The following KCNQ5 variants were observed in gnomAD, a reference collection of about 807,000 sequenced individuals.
KCNQ5 encodes the protein potassium voltage-gated channel subfamily Q member 5.
In KCNQ5, 30 loss-of-function variants were observed where a neutral mutation model predicts 98.2. The observed-to-expected ratio is 0.31, with a 90% confidence interval of 0.23 to 0.41. The LOEUF is 0.41. Ranked by LOEUF, KCNQ5 falls within the 10% of genes least tolerant of loss-of-function variation. The pLI, the probability that KCNQ5 is intolerant of heterozygous loss-of-function variation, is 1.00. For synonymous variants in KCNQ5, 458 were observed against 449.4 expected, an observed-to-expected ratio of 1.02 and a Z score of -0.24; for missense variants, 835 against 1,182.5, an observed-to-expected ratio of 0.71 and a Z score of 4.31.
chr6:73,108,821 C>T lies in KCNQ5; in HGVS notation c.1030-2487C>T, dbSNP rs537034521. 1.2e-4 allele frequency among the ~76,000 whole-genome samples: 18 copies of T among 151,670 alleles called. No homozygotes were observed. In the East Asian group the frequency reaches 2.7e-3, roughly 23 times the overall value. On this transcript the variant is annotated intron_variant, in intron 6 of 13. Coordinates refer to ENST00000370398, the MANE Select transcript of KCNQ5 (RefSeq NM_019842.4). Reference sequence around the variant, plus strand: ...CAGCCTGGGCAACAGAGCAAGACTCCATCTCAAAAAAAATAAAAAATAAAA... The same window carrying T: ...CAGCCTGGGCAACAGAGCAAGACTCTATCTCAAAAAAAATAAAAAATAAAA...
At chr6:72,726,272 G>A (rs994045889) in intron 1 of KCNQ5, among the ~76,000 whole-genome samples, 4 of 149,350 alleles carry the variant, frequency 2.7e-5, no homozygotes, top group East Asian at 2.0e-4. Flanking sequence ...GTGCAGTGGC[G>A]CGATCTCGGC....
chr6:73,188,024 A>G (rs1261466532), intron 11 of KCNQ5, among the ~76,000 whole-genome samples: 1 of 152,160 alleles, frequency 6.6e-6, no homozygotes. Flanking sequence ...CAAACCACAA[A>G]TGTGTGAGCT....
intron 12 of KCNQ5, among the ~76,000 whole-genome samples, chr6:73,191,008 C>T (rs1273254234): frequency 3.3e-5 from 5 of 152,136 alleles, no homozygotes; most frequent in Admixed American, 6.5e-5. Flanking sequence ...ATGTAACAGG[C>T]CTGGTACTGT....
At position 72,887,994 on chromosome 6, in the gene KCNQ5, A is replaced by G. The variant is rs538874170; in HGVS notation, c.399-115914A>G. 5.3e-5 allele frequency among the ~76,000 whole-genome samples: 8 copies of G among 152,310 alleles called. No homozygotes were observed. The South Asian group carries it at 1.2e-3, about 24-fold the overall frequency. On this transcript the variant is annotated intron_variant, in intron 1 of 13. Coordinates refer to ENST00000370398, the MANE Select transcript of KCNQ5 (RefSeq NM_019842.4). ...GCCCACTTAAAAATATAACACATTA[A>G]TATTAAAAATAAAATTGTGAGAAAA...
rs1001825774 is a variant in KCNQ5 at position 73,194,802 on chromosome 6, C to T, written c.2187C>T (p.Thr729=). ...GCGATGGCTCAGCAGTGGCAGCCACCAACACCATTGCAAACCAAATAAATA... is the reference window on the plus strand; with the variant it reads ...GCGATGGCTCAGCAGTGGCAGCCACTAACACCATTGCAAACCAAATAAATA... The part of the protein sequence containing the change: ...SQSDGSAVAA[T]NTIANQINTA... The change falls in exon 14 of 14, where the codon ACC becomes ACT. Residue 729 remains threonine (T), a synonymous_variant. Transcript: ENST00000370398. 6 of 1,614,078 alleles carry T rather than the reference C, an allele frequency of 3.7e-6. No individual in the cohort carries two copies. Among genetic ancestry groups the T allele is most frequent in the Non-Finnish European group, 3.4e-6 (4 of 1,180,042 alleles).
rs139721503 is a variant in KCNQ5, at chr6:72,710,601, A to T, written c.398+88014A>T. Among the ~76,000 whole-genome samples, 1,146 of 152,338 alleles carry T rather than the reference A, an allele frequency of 7.5e-3. 10 individuals carry two copies. Among genetic ancestry groups the T allele is most frequent in the Admixed American group, 0.012 (185 of 15,302 alleles). ...ACTGTAAAAAGAGACAAAGAAGGCT[A>T]TTATGTGGTGATAAAAGCGTCAGTT... is the stretch of plus-strand genomic sequence containing the variant. On this transcript the variant is annotated intron_variant, in intron 1 of 13. Coordinates refer to ENST00000370398, the MANE Select transcript of KCNQ5 (RefSeq NM_019842.4).
intron 10 of KCNQ5, among the ~76,000 whole-genome samples, chr6:73,150,794 G>A (rs1777117081): frequency 6.8e-6 from 1 of 147,246 alleles, no homozygotes; most frequent in Non-Finnish European, 1.5e-5. Flanking sequence ...AAGTATTACT[G>A]TATACATTAA....
At position 72,716,505 on chromosome 6, in the gene KCNQ5, G is replaced by A. The variant is rs148623818; in HGVS notation, c.398+93918G>A. Among the ~76,000 whole-genome samples the A allele has an allele frequency of 1.1e-4, 16 of 152,344 alleles. No homozygotes were observed. In the East Asian group the frequency reaches 2.9e-3, roughly 28 times the overall value. On this transcript the variant is annotated intron_variant, in intron 1 of 13. Transcript: ENST00000370398. ...ATACCTAAAGCAGTGGGTGAAACCC[G>A]GCTCTAGGGGCTTCTTCATGGCCTT...
intron 1 of KCNQ5, among the ~76,000 whole-genome samples, chr6:72,875,667 A>G (rs781519168): frequency 6.6e-6 from 1 of 152,154 alleles, no homozygotes; most frequent in Non-Finnish European, 1.5e-5. Flanking sequence ...ATTTTTTAGT[A>G]GCCCAAATCT....
rs913082555 is a variant in KCNQ5 at position 72,885,952 on chromosome 6, C to T, written c.399-117956C>T. ...CTCCTAGCTCTTATATGAGTGTCAA[C>T]TTGAGTTCACATTATCTGTGTGTTC... On this transcript the variant is annotated intron_variant, in intron 1 of 13. Coordinates refer to ENST00000370398, the MANE Select transcript of KCNQ5 (RefSeq NM_019842.4). Among the ~76,000 whole-genome samples the T allele has an allele frequency of 2.6e-5, 4 of 152,206 alleles. No homozygotes were observed. In the South Asian group the frequency reaches 8.3e-4, roughly 31 times the overall value.
chr6:72,726,205 T>A (rs923909375), intron 1 of KCNQ5, among the ~76,000 whole-genome samples: 27 of 130,064 alleles, frequency 2.1e-4, no homozygotes, highest in African/African-American at 9.2e-4. Flanking sequence ...TTTTTAAATT[T>A]AAATTTTTTT....
intron 1 of KCNQ5, among the ~76,000 whole-genome samples, chr6:72,666,025 C>A (rs1397688739): frequency 6.6e-6 from 1 of 152,098 alleles, no homozygotes; most frequent in Non-Finnish European, 1.5e-5. Flanking sequence ...TAATAGGAAA[C>A]AATTCTAAAC....
At chr6:73,096,267 G>A (rs1235958965) in intron 5 of KCNQ5, among the ~76,000 whole-genome samples, 13 of 148,760 alleles carry the variant, frequency 8.7e-5, no homozygotes, top group African/African-American at 3.3e-4. Flanking sequence ...CATTTCAGCA[G>A]GTACCTGAAT....
At chr6:73,172,550 T>C (rs1189529381) in intron 11 of KCNQ5, among the ~76,000 whole-genome samples, 6 of 152,206 alleles carry the variant, frequency 3.9e-5, no homozygotes, top group Non-Finnish European at 1.5e-5. Context: ...TTTGCAGGTA[T>C]AAGTCCTAAA....
Position 73,133,514 on chromosome 6 carries a change from C to T in KCNQ5, c.1341C>T (p.Ser447=), listed in dbSNP as rs1441746570. The T allele has an allele frequency of 1.2e-6, 2 of 1,613,982 alleles. No homozygotes were observed. Among genetic ancestry groups the T allele is most frequent in the African/African-American group, 1.3e-5 (1 of 74,888 alleles). The change falls in exon 10 of 14, where the codon TCC becomes TCT. Residue 447 remains serine (S), a synonymous_variant. Transcript: ENST00000370398. ...SRQASVGDRR[S]PSTDITAEGS... is the part of the protein sequence containing the mutation. ...AAGCCTCAGTAGGTGACAGGAGGTC[C>T]CCAAGCACCGACATCACAGCCGAGG...
At chr6:72,957,744 C>T (rs1181278560) in intron 1 of KCNQ5, among the ~76,000 whole-genome samples, 6 of 152,154 alleles carry the variant, frequency 3.9e-5, no homozygotes, top group Non-Finnish European at 7.4e-5. Context: ...TCTTATGTCA[C>T]TCTCCTAGTG....
At chr6:73,005,159 C>T (rs1203108328) in intron 2 of KCNQ5, among the ~76,000 whole-genome samples, 1 of 152,152 alleles carries the variant, frequency 6.6e-6, no homozygotes, top group Non-Finnish European at 1.5e-5. Flanking sequence ...GCATATTGCT[C>T]ATGTTAAGGT....
intron 1 of KCNQ5, among the ~76,000 whole-genome samples, chr6:72,863,224 C>T (rs1777840495): frequency 6.6e-6 from 1 of 152,104 alleles, no homozygotes; most frequent in African/African-American, 2.4e-5. Flanking sequence ...TTTTCCTGCC[C>T]ATACTAAATA....
At chr6:72,910,757 G>C (rs1332770100) in intron 1 of KCNQ5, among the ~76,000 whole-genome samples, 1 of 152,064 alleles carries the variant, frequency 6.6e-6, no homozygotes, top group East Asian at 1.9e-4. Flanking sequence ...AACCGAAAGA[G>C]GATAAAAGTG....
Sources: allele counts gnomAD v4.1 joint callset (sites outside exome capture counted in the v4.1 genomes callset), GRCh38; gene constraint gnomAD v4.1.1; transcripts MANE v1.5; gene names NCBI Gene and HGNC (gene_info 2026-07-23, HGNC 2026-07-21).